Variants in NCOA1 observed in about 807,000 individuals in gnomAD.
NCOA1 encodes Hin-2 protein.
A neutral mutation model predicts 150.9 loss-of-function variants in NCOA1; 35 were observed. That is an observed-to-expected ratio of 0.23 (90% confidence interval 0.18 to 0.31). NCOA1 has a LOEUF of 0.31. NCOA1 is among the 10% of genes least tolerant of loss of function. The pLI, the probability that NCOA1 is intolerant of heterozygous loss-of-function variation, is 1.00. For synonymous variants in NCOA1, 590 were observed against 630.0 expected, an observed-to-expected ratio of 0.94 and a Z score of 0.95; for missense variants, 1,491 against 1,749.3, an observed-to-expected ratio of 0.85 and a Z score of 2.63.
At chr2:24,534,001 A>G (rs1665011722) in intron 1 of NCOA1, among the ~76,000 whole-genome samples, 1 of 152,298 alleles carries the variant, frequency 6.6e-6, no homozygotes, top group South Asian at 2.1e-4. Context: ...TGATTGGAAT[A>G]GTTTCAGAAG....
chr2:24,670,080 A>G (rs974716621), intron 6 of NCOA1, among the ~76,000 whole-genome samples: 2 of 152,184 alleles, frequency 1.3e-5, no homozygotes, highest in Non-Finnish European at 2.9e-5. Context: ...TGAGGTTGCA[A>G]TGAGCTGTGA....
intron 1 of NCOA1, among the ~76,000 whole-genome samples, chr2:24,541,293 A>C (rs1452430820): frequency 6.6e-6 from 1 of 152,212 alleles, no homozygotes; most frequent in African/African-American, 2.4e-5. Flanking sequence ...AATGGTTGAA[A>C]GAGTGAGAGG....
intron 1 of NCOA1, among the ~76,000 whole-genome samples, chr2:24,526,742 G>A (rs1238277647): frequency 2.0e-5 from 3 of 151,696 alleles, no homozygotes; most frequent in African/African-American, 7.3e-5. Context: ...AAATTCTGTT[G>A]TATATATTTA....
At chr2:24,610,678 A>T (rs977808030) in intron 3 of NCOA1, among the ~76,000 whole-genome samples, 3 of 151,070 alleles carry the variant, frequency 2.0e-5, no homozygotes, top group Non-Finnish European at 4.4e-5. Flanking sequence ...ATATTTGATA[A>T]TTCTAATATC....
intron 17 of NCOA1, among the ~76,000 whole-genome samples, chr2:24,730,758 GCTCACGC>G (rs1472325977): frequency 6.6e-6 from 1 of 151,618 alleles, no homozygotes; most frequent in African/African-American, 2.4e-5. Context: ...GGGCGTGGTG[GCTCACGC>G]CTCTAATCCC....
chr2:24,684,610 G>C (rs1247108089), intron 8 of NCOA1, among the ~76,000 whole-genome samples: 2 of 152,224 alleles, frequency 1.3e-5, no homozygotes, highest in Non-Finnish European at 2.9e-5. Context: ...TCTCTGAGCA[G>C]CCTTTCACAA....
chr2:24,697,635 A>G, intron 10 of NCOA1, 23 bp from the exon 11 acceptor site: 1 of 1,582,004 alleles, frequency 6.3e-7, no homozygotes, highest in Non-Finnish European at 8.6e-7. Context: ...TGTTATAAAT[A>G]TAAACTTTCA....
chr2:24,666,845 C>T (rs1435176871), intron 6 of NCOA1, among the ~76,000 whole-genome samples: 1 of 152,038 alleles, frequency 6.6e-6, no homozygotes, highest in Non-Finnish European at 1.5e-5. Flanking sequence ...GTTGGCCAGG[C>T]TGGTGTATTT....
At chr2:24,678,371 CAG>C (rs778738744) in intron 7 of NCOA1, among the ~76,000 whole-genome samples, 3 of 152,104 alleles carry the variant, frequency 2.0e-5, no homozygotes, top group Non-Finnish European at 2.9e-5. Context: ...ATCTTTATAA[CAG>C]AATGATTTAT....
chr2:24,665,060 G>C (rs1671355152), intron 5 of NCOA1, among the ~76,000 whole-genome samples: 1 of 152,140 alleles, frequency 6.6e-6, no homozygotes, highest in African/African-American at 2.4e-5. Context: ...GGTGCTACCT[G>C]TATGCACCTT....
At chr2:24,576,088 C>G (rs1010015198) in intron 2 of NCOA1, among the ~76,000 whole-genome samples, 3 of 149,274 alleles carry the variant, frequency 2.0e-5, no homozygotes, top group Non-Finnish European at 3.0e-5. Context: ...TTTACTCTAC[C>G]CTATTGGAAT....
chr2:24,666,509 C>T (rs1671435800), intron 6 of NCOA1, among the ~76,000 whole-genome samples: 2 of 152,074 alleles, frequency 1.3e-5, no homozygotes, highest in Admixed American at 1.3e-4. Context: ...AGTCAGAAGA[C>T]ACAAGTTGTG....
intron 1 of NCOA1, among the ~76,000 whole-genome samples, chr2:24,510,931 C>T (rs1663910888): frequency 6.6e-6 from 1 of 152,168 alleles, no homozygotes. Context: ...GTTGTACAAC[C>T]ATCACCATTG....
rs148616698 is a variant in NCOA1 at position 24,525,102 on chromosome 2, A to G, written c.-396+33500A>G. Among the ~76,000 whole-genome samples, 6 of 152,346 alleles carry G rather than the reference A, an allele frequency of 3.9e-5. No individual in the cohort carries two copies. The East Asian group carries it at 9.6e-4, about 24-fold the overall frequency. On this transcript the variant is annotated intron_variant, in intron 1 of 22. Coordinates refer to ENST00000348332, the MANE Select transcript of NCOA1 (RefSeq NM_003743.5). ...AGGAGCTTGTGCACAAAAGTGCAAT[A>G]TTGCAAAACACAAATTGTTTCATTA... is the stretch of plus-strand genomic sequence containing the variant.
chr2:24,519,843 G>A (rs1664349690), intron 1 of NCOA1, among the ~76,000 whole-genome samples: 1 of 151,928 alleles, frequency 6.6e-6, no homozygotes, highest in Non-Finnish European at 1.5e-5. Context: ...CAAGCCATGT[G>A]TTGAGAAAAA....
intron 3 of NCOA1, among the ~76,000 whole-genome samples, chr2:24,601,030 A>G (rs1466362033): frequency 6.6e-6 from 1 of 152,186 alleles, no homozygotes; most frequent in African/African-American, 2.4e-5. Flanking sequence ...TTTGTCACAT[A>G]AAATTACTAG....
chr2:24,641,517 T>G (rs1044677330), intron 3 of NCOA1, among the ~76,000 whole-genome samples: 8 of 152,132 alleles, frequency 5.3e-5, no homozygotes, highest in African/African-American at 1.9e-4. Flanking sequence ...AAAAAGTTCC[T>G]TTAGTATTTC....
intron 3 of NCOA1, among the ~76,000 whole-genome samples, chr2:24,609,042 A>C (rs1479513922): frequency 6.6e-6 from 1 of 152,180 alleles, no homozygotes; most frequent in East Asian, 1.9e-4. Context: ...AGTGATTGCC[A>C]TGTTACTCAC....
At chr2:24,541,984 C>A (rs1311878385) in intron 1 of NCOA1, among the ~76,000 whole-genome samples, 9 of 152,088 alleles carry the variant, frequency 5.9e-5, no homozygotes, top group East Asian at 1.9e-4. Context: ...AAAACAAAAT[C>A]ATTAATATTG....
Sources: allele counts gnomAD v4.1 joint callset (sites outside exome capture counted in the v4.1 genomes callset), GRCh38; gene constraint gnomAD v4.1.1; transcripts MANE v1.5; gene names NCBI Gene and HGNC (gene_info 2026-07-23, HGNC 2026-07-21).